Variants in GPR39 observed in about 807,000 individuals in gnomAD.
GPR39 encodes the protein zinc sensing receptor.
Under a neutral mutation model 18.4 loss-of-function variants are expected in GPR39, and 23 were observed. The ratio of observed to expected loss-of-function variants is 1.25; its 90% CI spans 0.90 to 1.77. The LOEUF is 1.77. GPR39 is among the 40% of genes most tolerant of loss of function. The pLI is 0.00. For synonymous variants in GPR39, 280 were observed against 257.9 expected (o/e 1.09, Z -0.82); for missense variants, 647 against 602.4 (o/e 1.07, Z -0.78).
At chr2:132,531,706 T>C (rs1368989995) in intron 1 of GPR39, among the ~76,000 whole-genome samples, 6 of 152,272 alleles carry the variant, frequency 3.9e-5, no homozygotes, top group East Asian at 3.9e-4. Context: ...CACTCAAAAC[T>C]GCTCAACTAC....
chr2:132,545,041 G>C (rs1266344653), intron 1 of GPR39, among the ~76,000 whole-genome samples: 1 of 152,210 alleles, frequency 6.6e-6, no homozygotes, highest in Non-Finnish European at 1.5e-5. Context: ...TCTTAATCAG[G>C]TCTGTGGATT....
chr2:132,525,186 G>C (rs1458128716), intron 1 of GPR39, among the ~76,000 whole-genome samples: 1 of 152,128 alleles, frequency 6.6e-6, no homozygotes, highest in East Asian at 1.9e-4. Flanking sequence ...CCTCCCCACT[G>C]TCACCTTGAG....
At chr2:132,497,265 A>C (rs1681660069) in intron 1 of GPR39, among the ~76,000 whole-genome samples, 1 of 152,134 alleles carries the variant, frequency 6.6e-6, no homozygotes, top group South Asian at 2.1e-4. Context: ...AAGCAACGGG[A>C]AAATTGTCTT....
At position 132,493,367 on chromosome 2, in the gene GPR39, C is replaced by CTA. The variant is rs545957672; in HGVS notation, c.856+75478_856+75479dup. 1.9e-4 allele frequency among the ~76,000 whole-genome samples: 27 copies of CTA among 143,386 alleles called. No individual in the cohort carries two copies. The East Asian group carries it at 4.0e-3, about 21-fold the overall frequency. 94.1% of individuals were successfully genotyped at this position (143,386 alleles called of 152,430 possible). Reference sequence around the variant, plus strand: ...TATATACACATACCACATATATACACTATATATATACACACCGTATATATA... The same window carrying CTA: ...TATATACACATACCACATATATACACTATATATATATACACACCGTATATATA... On this transcript the variant is annotated intron_variant, in intron 1 of 1. Coordinates refer to ENST00000329321, the MANE Select transcript of GPR39 (RefSeq NM_001508.3).
At position 132,517,868 on chromosome 2, in the gene GPR39, A is replaced by G. The variant is rs112764945; in HGVS notation, c.856+99970A>G. ...TTATCTTTGAACAAGTACCTACTGAACACCTATTATGGGTGAAGCTTAGAT... is the reference window on the plus strand; with the variant it reads ...TTATCTTTGAACAAGTACCTACTGAGCACCTATTATGGGTGAAGCTTAGAT... On this transcript the variant is annotated intron_variant, in intron 1 of 1. Transcript: ENST00000329321. Among the ~76,000 whole-genome samples the G allele has an allele frequency of 7.2e-5, 11 of 152,356 alleles. 1 individual carries two copies. Among genetic ancestry groups the G allele is most frequent in the African/African-American group, 2.6e-4 (11 of 41,586 alleles).
At chr2:132,430,823 C>A (rs761435649) in intron 1 of GPR39, among the ~76,000 whole-genome samples, 2 of 152,208 alleles carry the variant, frequency 1.3e-5, no homozygotes, top group Non-Finnish European at 2.9e-5. Context: ...ACAGACACCC[C>A]CTGTGGGGAC....
intron 1 of GPR39, among the ~76,000 whole-genome samples, chr2:132,546,069 G>A (rs1449162666): frequency 1.3e-5 from 2 of 152,204 alleles, no homozygotes; most frequent in African/African-American, 4.8e-5. Context: ...GCTTCTTAAT[G>A]TATTTTTCCA....
intron 1 of GPR39, among the ~76,000 whole-genome samples, chr2:132,460,969 G>T (rs1442439841): frequency 1.3e-5 from 2 of 152,142 alleles, no homozygotes; most frequent in African/African-American, 2.4e-5. Context: ...TACATACTTG[G>T]CAAGGGAGTG....
chr2:132,646,385 A>G lies in GPR39; in HGVS notation c.*779A>G. 1.5e-6 allele frequency: 1 copy of G among 678,000 alleles called. No homozygotes were observed. The highest frequency in any genetic ancestry group is 2.2e-6 in the Non-Finnish European group (1 of 445,692). 42.0% of individuals were successfully genotyped at this position (678,000 alleles called of 1,614,324 possible). The stretch of plus-strand genomic sequence containing the variant: ...GACAGCTCTTCCTTACTCCTCCCAC[A>G]GCCCAGAGACTAGGTGAGGTCAGGG... On this transcript the variant is annotated 3_prime_UTR_variant, in exon 2 of 2. Coordinates refer to ENST00000329321, the MANE Select transcript of GPR39 (RefSeq NM_001508.3).
At chr2:132,468,107 T>A (rs1680964126) in intron 1 of GPR39, among the ~76,000 whole-genome samples, 1 of 152,164 alleles carries the variant, frequency 6.6e-6, no homozygotes, top group African/African-American at 2.4e-5. Context: ...GATGGGAAAT[T>A]CTTTTTTTTT....
intron 1 of GPR39, among the ~76,000 whole-genome samples, chr2:132,534,566 A>G (rs1194320603): frequency 6.6e-6 from 1 of 150,466 alleles, no homozygotes; most frequent in Non-Finnish European, 1.5e-5. Context: ...ACTATTCACA[A>G]TAGCAAAGAC....
At chr2:132,534,703 G>C (rs13031823) in intron 1 of GPR39, among the ~76,000 whole-genome samples, 1 of 151,978 alleles carries the variant, frequency 6.6e-6, no homozygotes, top group African/African-American at 2.4e-5. Context: ...CATGGATGAA[G>C]CTGGAAACCA....
chr2:132,494,666 CT>C (rs1681604536), intron 1 of GPR39, among the ~76,000 whole-genome samples: 2 of 152,154 alleles, frequency 1.3e-5, no homozygotes, highest in Admixed American at 1.3e-4. Flanking sequence ...AATTTCCATC[CT>C]ATTTCTAGCA....
chr2:132,604,120 T>G (rs1681093464), intron 1 of GPR39, among the ~76,000 whole-genome samples: 1 of 152,116 alleles, frequency 6.6e-6, no homozygotes, highest in South Asian at 2.1e-4. Context: ...GTTCCAAGCA[T>G]GTGTGAGATA....
intron 1 of GPR39, among the ~76,000 whole-genome samples, chr2:132,549,236 T>A (rs1679999115): frequency 6.6e-6 from 1 of 152,106 alleles, no homozygotes; most frequent in Admixed American, 6.5e-5. Flanking sequence ...GACTGTAATA[T>A]CTTTGAATTC....
intron 1 of GPR39, among the ~76,000 whole-genome samples, chr2:132,516,205 A>G (rs1305028679): frequency 2.0e-5 from 3 of 152,100 alleles, no homozygotes; most frequent in Non-Finnish European, 2.9e-5. Flanking sequence ...TGGCTTTCAT[A>G]GTGAGATGTG....
intron 1 of GPR39, among the ~76,000 whole-genome samples, chr2:132,496,146 C>T (rs1681638050): frequency 6.6e-6 from 1 of 152,092 alleles, no homozygotes; most frequent in Admixed American, 6.5e-5. Context: ...ATAATTATTC[C>T]CCATTAGTGC....
At chr2:132,563,110 G>C (rs114823642) in intron 1 of GPR39, among the ~76,000 whole-genome samples, 11,218 of 152,150 alleles carry the variant, frequency 0.074, 1,395 homozygotes, top group African/African-American at 0.25. Context: ...CAGGGATAAG[G>C]ATACAACTAA....
intron 1 of GPR39, among the ~76,000 whole-genome samples, chr2:132,478,411 A>G (rs1236739262): frequency 6.6e-6 from 1 of 152,200 alleles, no homozygotes; most frequent in Non-Finnish European, 1.5e-5. Flanking sequence ...TCATTGTTAG[A>G]CCCAAGCTAA....
Sources: gnomAD v4.1 joint callset for allele counts (sites outside exome capture counted in the v4.1 genomes callset) on GRCh38, gnomAD v4.1.1 for gene constraint, MANE v1.5 for transcripts, NCBI Gene and HGNC (gene_info 2026-07-23, HGNC 2026-07-21) for gene names.